The following KCNMA1 variants were observed in gnomAD, a reference collection of about 807,000 sequenced individuals.
KCNMA1 encodes the protein Calcium-activated potassium channel subunit alpha-1.
Under a neutral mutation model 140.0 loss-of-function variants are expected in KCNMA1, and 29 were observed. The ratio of observed to expected loss-of-function variants is 0.21; its 90% CI spans 0.15 to 0.28. The LOEUF (loss-of-function observed/expected upper bound fraction) is 0.28. Ranked by LOEUF, KCNMA1 falls within the 10% of genes least tolerant of loss-of-function variation. KCNMA1 has a pLI of 1.00. For missense variants in KCNMA1, 880 were observed against 1,602.2 expected (o/e 0.55, Z 7.70); for synonymous variants, 612 against 611.9 (o/e 1.00, Z 0.00).
chr10:77,637,125 A>C, intron 1 of KCNMA1, 140 bp downstream of exon 1: 3 of 1,253,924 alleles, frequency 2.4e-6, no homozygotes, highest in Non-Finnish European at 3.2e-6. Flanking sequence ...GGGAGAGCCG[A>C]GGGAAGGGAA....
At chr10:77,355,639 G>A (rs1401635023) in intron 2 of KCNMA1, among the ~76,000 whole-genome samples, 1 of 152,208 alleles carries the variant, frequency 6.6e-6, no homozygotes, top group Non-Finnish European at 1.5e-5. Flanking sequence ...ACGGAGAGAT[G>A]GAAAGAAGCC....
chr10:77,376,952 C>A (rs576491906), intron 2 of KCNMA1, among the ~76,000 whole-genome samples: 27 of 150,752 alleles, frequency 1.8e-4, no homozygotes, highest in South Asian at 1.1e-3. Flanking sequence ...TAAATAAATA[C>A]ATACATACAT....
chr10:77,258,876 T>C (rs1993854), intron 2 of KCNMA1, among the ~76,000 whole-genome samples: 67 of 152,180 alleles, frequency 4.4e-4, no homozygotes, highest in African/African-American at 1.6e-3. Context: ...GGCAGGAGAA[T>C]TGCTTGAACC....
chr10:77,456,082 T>A (rs748959670), intron 1 of KCNMA1, among the ~76,000 whole-genome samples: 1 of 152,174 alleles, frequency 6.6e-6, no homozygotes, highest in Non-Finnish European at 1.5e-5. Context: ...CAAGGAAGCA[T>A]GGCTAAGGAA....
At chr10:77,164,336 C>T (rs758100138) in intron 5 of KCNMA1, among the ~76,000 whole-genome samples, 1 of 152,102 alleles carries the variant, frequency 6.6e-6, no homozygotes, top group East Asian at 1.9e-4. Flanking sequence ...GAACACACAC[C>T]AGCAGGAAGA....
At chr10:77,291,072 T>TA (rs1162048135) in intron 2 of KCNMA1, among the ~76,000 whole-genome samples, 2 of 152,190 alleles carry the variant, frequency 1.3e-5, no homozygotes, top group Non-Finnish European at 2.9e-5. Context: ...TGCCCCACGC[T>TA]ACACATGAGC....
intron 1 of KCNMA1, among the ~76,000 whole-genome samples, chr10:77,526,590 C>T (rs565513912): frequency 6.6e-6 from 1 of 152,316 alleles, no homozygotes; most frequent in South Asian, 2.1e-4. Flanking sequence ...AGAAATGGCA[C>T]TGACTTGCCC....
chr10:77,580,798 C>G (rs2075660639), intron 1 of KCNMA1, among the ~76,000 whole-genome samples: 1 of 152,180 alleles, frequency 6.6e-6, no homozygotes, highest in Non-Finnish European at 1.5e-5. Context: ...GATCTTTTGC[C>G]AATGACCCAA....
chr10:77,307,441 C>T (rs1250681173), intron 2 of KCNMA1, among the ~76,000 whole-genome samples: 1 of 152,202 alleles, frequency 6.6e-6, no homozygotes, highest in African/African-American at 2.4e-5. Flanking sequence ...CAATAAATTA[C>T]ATGCAATGTT....
At chr10:77,477,764 C>T (rs867696515) in intron 1 of KCNMA1, among the ~76,000 whole-genome samples, 9 of 152,164 alleles carry the variant, frequency 5.9e-5, no homozygotes, top group South Asian at 2.1e-4. Context: ...GCCCTGAACA[C>T]GATTCCTTCT....
intron 3 of KCNMA1, among the ~76,000 whole-genome samples, chr10:77,187,653 G>C (rs2154132812): frequency 6.6e-6 from 1 of 152,318 alleles, no homozygotes; most frequent in South Asian, 2.1e-4. Context: ...TGAGGGGGCA[G>C]GGGGCAGGCA....
intron 5 of KCNMA1, among the ~76,000 whole-genome samples, chr10:77,141,187 G>A (rs1223651520): frequency 1.3e-5 from 2 of 152,274 alleles, no homozygotes; most frequent in Admixed American, 6.5e-5. Context: ...GAAGATGGGA[G>A]GAGACACTCA....
intron 19 of KCNMA1, 92 bp downstream of exon 19, chr10:77,001,315 G>T: frequency 1.7e-6 from 2 of 1,197,246 alleles, no homozygotes; most frequent in Non-Finnish European, 2.4e-6. Flanking sequence ...ACATCAGCCC[G>T]ACTGACTCAG....
intron 6 of KCNMA1, among the ~76,000 whole-genome samples, chr10:77,118,328 T>C (rs575645476): frequency 6.6e-6 from 1 of 152,276 alleles, no homozygotes; most frequent in Non-Finnish European, 1.5e-5. Context: ...GGATCCACAC[T>C]TGGGGATGCC....
At chr10:77,582,968 G>A (rs1040503205) in intron 1 of KCNMA1, among the ~76,000 whole-genome samples, 1 of 152,250 alleles carries the variant, frequency 6.6e-6, no homozygotes, top group Non-Finnish European at 1.5e-5. Context: ...AGGCAAAGCT[G>A]ACTCAGGCAA....
At chr10:77,085,800 A>G (rs1306956410) in intron 11 of KCNMA1, among the ~76,000 whole-genome samples, 3 of 152,252 alleles carry the variant, frequency 2.0e-5, no homozygotes, top group Admixed American at 2.0e-4. Context: ...ATATTAATGT[A>G]CACCCCCTGG....
At chr10:77,065,247 G>C (rs1253470417) in intron 14 of KCNMA1, among the ~76,000 whole-genome samples, 2 of 152,132 alleles carry the variant, frequency 1.3e-5, no homozygotes, top group Non-Finnish European at 2.9e-5. Context: ...ACACCAAAGA[G>C]TGCCACGGGA....
chr10:76,922,465 C>T (rs1353220529), intron 23 of KCNMA1, among the ~76,000 whole-genome samples: 1 of 152,192 alleles, frequency 6.6e-6, no homozygotes, highest in Non-Finnish European at 1.5e-5. Flanking sequence ...ATCCTGACTT[C>T]ACAGGGCCGC....
chr10:77,076,316 T>C (rs186316294), intron 13 of KCNMA1, among the ~76,000 whole-genome samples: 4 of 152,270 alleles, frequency 2.6e-5, no homozygotes, highest in Admixed American at 2.6e-4. Flanking sequence ...AGTGATACTT[T>C]TCCAAGAAGT....
Sources: allele counts gnomAD v4.1 joint callset (sites outside exome capture counted in the v4.1 genomes callset), GRCh38; gene constraint gnomAD v4.1.1; transcripts MANE v1.5; gene names NCBI Gene and HGNC (gene_info 2026-07-23, HGNC 2026-07-21).